BMPR1B: variants seen among roughly 807,000 people sequenced by gnomAD.
BMPR1B encodes bone morphogenetic protein receptor type-1B.
Under a neutral mutation model 59.1 loss-of-function variants are expected in BMPR1B, and 12 were observed. That is an observed-to-expected ratio of 0.20 (90% CI 0.13 to 0.33). The LOEUF (loss-of-function observed/expected upper bound fraction) is 0.33, where lower values mean the gene tolerates loss of function less well. Ranked by LOEUF, BMPR1B falls within the 10% of genes least tolerant of loss-of-function variation. The pLI is 1.00. For synonymous variants in BMPR1B, 237 were observed against 207.3 expected, an observed-to-expected ratio of 1.14 and a Z score of -1.23; for missense variants, 550 against 610.9, an observed-to-expected ratio of 0.90 and a Z score of 1.05.
At chr4:94,869,981 TG>T (rs1323531775) in intron 1 of BMPR1B, among the ~76,000 whole-genome samples, 12 of 152,198 alleles carry the variant, frequency 7.9e-5, no homozygotes, top group African/African-American at 2.2e-4. Context: ...GCAAACTTTA[TG>T]GGCAATAGGG....
chr4:94,792,824 G>A (rs1339226687), intron 1 of BMPR1B, among the ~76,000 whole-genome samples: 1 of 152,056 alleles, frequency 6.6e-6, no homozygotes, highest in African/African-American at 2.4e-5. Context: ...CCTTTACATA[G>A]TGTTCACCAA....
intron 11 of BMPR1B, among the ~76,000 whole-genome samples, chr4:95,152,151 G>A (rs1735091744): frequency 2.0e-5 from 3 of 152,086 alleles, no homozygotes; most frequent in Admixed American, 2.0e-4. Context: ...AATTTTTAAT[G>A]TGCAAAACCA....
At chr4:95,015,534 C>T (rs1438630053) in intron 3 of BMPR1B, among the ~76,000 whole-genome samples, 4 of 152,074 alleles carry the variant, frequency 2.6e-5, no homozygotes, top group Non-Finnish European at 5.9e-5. Context: ...TACAGGTGCA[C>T]ACCACCACAC....
At chr4:94,965,247 A>G (rs997801540) in intron 2 of BMPR1B, among the ~76,000 whole-genome samples, 3 of 152,142 alleles carry the variant, frequency 2.0e-5, no homozygotes, top group Non-Finnish European at 2.9e-5. Flanking sequence ...CTATTGGAAC[A>G]CTGTACATAG....
At position 94,761,415 on chromosome 4, in the gene BMPR1B, C is replaced by CTGTGTGTG. The variant is rs57447983; in HGVS notation, c.-183+3387_-183+3394dup. ...GACTTACATTTTCCGCTGTATAATT[C>CTGTGTGTG]TGTGTGTGTGTGTGTGTGTGTGTGT... On this transcript the variant is annotated intron_variant, in intron 1 of 12. Coordinates refer to ENST00000515059, the MANE Select transcript of BMPR1B (RefSeq NM_001203.3). Among the ~76,000 whole-genome samples the CTGTGTGTG allele has an allele frequency of 3.1e-3, 441 of 141,274 alleles. 5 individuals are homozygous for CTGTGTGTG. The highest frequency in any genetic ancestry group is 7.4e-3 in the East Asian group (35 of 4,730). 92.7% of individuals were successfully genotyped at this position (141,274 alleles called of 152,430 possible).
chr4:94,845,456 C>T (rs1347415443), intron 1 of BMPR1B, among the ~76,000 whole-genome samples: 1 of 151,838 alleles, frequency 6.6e-6, no homozygotes, highest in Non-Finnish European at 1.5e-5. Context: ...CATTCTCTTG[C>T]CTCAGCCTCC....
intron 1 of BMPR1B, among the ~76,000 whole-genome samples, chr4:94,833,879 C>G (rs1724697445): frequency 6.6e-6 from 1 of 152,100 alleles, no homozygotes; most frequent in Non-Finnish European, 1.5e-5. Context: ...ATTACAAGTA[C>G]AGGTACCAGG....
Position 95,105,556 on chromosome 4 carries a change from G to C in BMPR1B, c.143+989G>C, listed in dbSNP as rs546158307. Reference sequence around the variant, plus strand: ...AGCAAAATCTAATATAAGCTTACCAGGGTATTCCAAGAACCTTGTATATTT... The same window carrying C: ...AGCAAAATCTAATATAAGCTTACCACGGTATTCCAAGAACCTTGTATATTT... On this transcript the variant is annotated intron_variant, in intron 4 of 12. Transcript: ENST00000515059. Among the ~76,000 whole-genome samples the C allele has an allele frequency of 7.0e-4, 106 of 152,034 alleles. 1 individual carries two copies. The highest frequency in any genetic ancestry group is 6.0e-4 in the Non-Finnish European group (41 of 67,956).
intron 3 of BMPR1B, among the ~76,000 whole-genome samples, chr4:95,022,472 G>C (rs568276095): frequency 1.3e-5 from 2 of 151,970 alleles, no homozygotes; most frequent in Non-Finnish European, 2.9e-5. Context: ...GGCATGGTCA[G>C]CTTTTTTTCT....
intron 1 of BMPR1B, among the ~76,000 whole-genome samples, chr4:94,870,238 C>G (rs1371116435): frequency 6.6e-6 from 1 of 152,152 alleles, no homozygotes; most frequent in African/African-American, 2.4e-5. Context: ...TTGCACTAAA[C>G]TTGGAATGCA....
At chr4:94,807,689 A>G (rs182467622) in intron 1 of BMPR1B, among the ~76,000 whole-genome samples, 562 of 152,158 alleles carry the variant, frequency 3.7e-3, no homozygotes, top group Middle Eastern at 6.8e-3. Flanking sequence ...TTCAGCATCT[A>G]TTTACTTTTT....
intron 1 of BMPR1B, among the ~76,000 whole-genome samples, chr4:94,821,984 G>A (rs1279866231): frequency 1.3e-5 from 2 of 152,156 alleles, no homozygotes; most frequent in Non-Finnish European, 2.9e-5. Flanking sequence ...ATTGTTTATA[G>A]TCTTAGTCTG....
intron 3 of BMPR1B, among the ~76,000 whole-genome samples, chr4:95,001,785 A>T (rs1298781880): frequency 6.6e-6 from 1 of 152,092 alleles, no homozygotes; most frequent in East Asian, 1.9e-4. Flanking sequence ...ATAATCGAAG[A>T]CGTAGAGGGG....
chr4:94,969,068 C>A (rs1730672661), intron 2 of BMPR1B, among the ~76,000 whole-genome samples: 1 of 151,526 alleles, frequency 6.6e-6, no homozygotes, highest in South Asian at 2.1e-4. Context: ...CGGAGTCTTG[C>A]TTTGTCGCCA....
intron 3 of BMPR1B, among the ~76,000 whole-genome samples, chr4:95,075,155 C>G (rs761926352): frequency 1.1e-4 from 16 of 152,078 alleles, no homozygotes; most frequent in Non-Finnish European, 1.6e-4. Flanking sequence ...TTAACTCAAA[C>G]CTTATCTTTA....
intron 12 of BMPR1B, among the ~76,000 whole-genome samples, chr4:95,153,668 G>A (rs1735215836): frequency 1.3e-5 from 2 of 152,096 alleles, no homozygotes; most frequent in Admixed American, 6.6e-5. Flanking sequence ...GGCCAATATA[G>A]TGAAAACCCA....
In BMPR1B at chr4:95,104,509, G is replaced by A; in HGVS notation, c.85G>A (p.Val29Ile). Residue 29 changes from valine to isoleucine, a missense_variant, in exon 4 of 13, where the codon GTC becomes ATC. Val to Ile is a conservative substitution (Grantham distance 29, BLOSUM62 3). This residue lies in a region of BMPR1B where 43 missense variants were observed against 35.4 expected (regional missense o/e 1.22). Coordinates refer to ENST00000515059, the MANE Select transcript of BMPR1B (RefSeq NM_001203.3). ...TACAGCCCCCACCCCCCGTCCAAAG[G>A]TCTTGCGTTGTAAATGCCACCACCA... ...ESTAPTPRPK[V>I]LRCKCHHHCP... 1 of 1,613,406 alleles carries A rather than the reference G, an allele frequency of 6.2e-7. No individual in the cohort carries two copies. The highest frequency in any genetic ancestry group is 8.5e-7 in the Non-Finnish European group (1 of 1,179,642).
intron 2 of BMPR1B, among the ~76,000 whole-genome samples, chr4:94,957,090 GT>G (rs1388419911): frequency 1.3e-5 from 2 of 152,196 alleles, no homozygotes; most frequent in Non-Finnish European, 2.9e-5. Flanking sequence ...TAGGGCAAGT[GT>G]TGTGAGTCCT....
intron 3 of BMPR1B, among the ~76,000 whole-genome samples, chr4:95,065,902 AC>A (rs1253780220): frequency 6.6e-6 from 1 of 152,174 alleles, no homozygotes; most frequent in Non-Finnish European, 1.5e-5. Flanking sequence ...TTATTATTTA[AC>A]TGATGAGAAA....
Sources: gnomAD v4.1 joint callset for allele counts (sites outside exome capture counted in the v4.1 genomes callset) on GRCh38, gnomAD v4.1.1 for gene constraint, gnomAD v4.1.1 regional missense constraint, MANE v1.5 for transcripts, NCBI Gene and HGNC (gene_info 2026-07-23, HGNC 2026-07-21) for gene names.